The following HTR6 variants were observed in gnomAD, a reference collection of about 807,000 sequenced individuals.
The protein encoded by HTR6 is 5-hydroxytryptamine (serotonin) receptor 6, G protein-coupled.
Under a neutral mutation model 17.4 loss-of-function variants are expected in HTR6, and 15 were observed. The ratio of observed to expected loss-of-function variants is 0.86; its 90% CI spans 0.58 to 1.33. The LOEUF is 1.33. Among genes scored for constraint, HTR6 ranks in the 40% most tolerant of loss-of-function variants. HTR6 has a pLI of 0.00. For synonymous variants in HTR6, 326 were observed against 295.5 expected, an observed-to-expected ratio of 1.10 and a Z score of -1.06; for missense variants, 578 against 616.0, an observed-to-expected ratio of 0.94 and a Z score of 0.65.
Position 19,679,083 on chromosome 1 carries a change from C to T in HTR6, c.1038C>T (p.Ala346=). The part of the protein sequence containing the change: ...PCPRCPRERQ[A]SLASPSLRTS... ...CACGCTGTCCCCGGGAGCGCCAGGC[C>T]AGCCTGGCCTCGCCATCACTGCGCA... is the stretch of plus-strand genomic sequence containing the variant. Residue 346 remains alanine (A), a synonymous_variant, in exon 3 of 3, where the codon GCC becomes GCT. Transcript: ENST00000289753. The surrounding 1 kb of genome is among the most constrained non-coding windows in gnomAD (Gnocchi z 4.9). 1 of 1,613,880 alleles carries T rather than the reference C, an allele frequency of 6.2e-7. No individual in the cohort carries two copies. The highest frequency in any genetic ancestry group is 8.5e-7 in the Non-Finnish European group (1 of 1,179,878).
chr1:19,676,263 T>G (rs2095094374), intron 1 of HTR6, among the ~76,000 whole-genome samples: 1 of 152,212 alleles, frequency 6.6e-6, no homozygotes, highest in Non-Finnish European at 1.5e-5. Flanking sequence ...TTCTCCCATT[T>G]TGCAGATGTG....
chr1:19,677,359 T>A (rs2095095629), intron 1 of HTR6, among the ~76,000 whole-genome samples: 1 of 152,060 alleles, frequency 6.6e-6, no homozygotes, highest in East Asian at 1.9e-4. Flanking sequence ...GTTTGCAAAG[T>A]CAAATTCTAA....
chr1:19,667,761 C>A (rs755838052), intron 1 of HTR6, among the ~76,000 whole-genome samples: 2 of 152,226 alleles, frequency 1.3e-5, no homozygotes, highest in African/African-American at 2.4e-5. Flanking sequence ...TGAGTGCCTG[C>A]TCTTGCCATC....
In HTR6 at chr1:19,679,537, C is replaced by A. The variant is rs2095099119; in HGVS notation, c.*169C>A. On this transcript the variant is annotated 3_prime_UTR_variant, in exon 3 of 3. Coordinates refer to ENST00000289753, the MANE Select transcript of HTR6 (RefSeq NM_000871.3). The surrounding 1 kb of genome is among the most constrained non-coding windows in gnomAD (Gnocchi z 4.9). ...CCTGCTGCCATCTCCAGGCCCCTTA[C>A]CTGCAGGGATCATAGCTGACTCAGA... 1.1e-6 allele frequency: 1 copy of A among 941,126 alleles called. No individual in the cohort carries two copies. The highest frequency in any genetic ancestry group is 1.5e-6 in the Non-Finnish European group (1 of 653,706). 58.3% of individuals were successfully genotyped at this position (941,126 alleles called of 1,614,324 possible). A position where few individuals can be genotyped will look rare whatever the true frequency, so the allele number is the denominator to read the frequency against.
At chr1:19,668,992 CT>C (rs1468140754) in intron 1 of HTR6, among the ~76,000 whole-genome samples, 1 of 152,184 alleles carries the variant, frequency 6.6e-6, no homozygotes, top group African/African-American at 2.4e-5. Context: ...GGGACTTTCT[CT>C]TGACGCACCT....
chr1:19,674,318 C>A (rs567686291), intron 1 of HTR6, among the ~76,000 whole-genome samples: 1 of 151,528 alleles, frequency 6.6e-6, no homozygotes, highest in African/African-American at 2.4e-5. Flanking sequence ...TCATGGAGAT[C>A]TTTTCATTTG....
rs747507674 is a variant in HTR6 at position 19,665,810 on chromosome 1, G to A, written c.57G>A (p.Pro19=). 5 of 1,529,166 alleles carry A rather than the reference G, an allele frequency of 3.3e-6. No individual in the cohort carries two copies. The Admixed American group carries it at 8.7e-5, about 27-fold the overall frequency. 94.7% of individuals were successfully genotyped at this position (1,529,166 alleles called of 1,614,324 possible). A position where few individuals can be genotyped will look rare whatever the true frequency, so the allele number is the denominator to read the frequency against. ...GCACCCCGGCCTGGGGGGCAGGGCC[G>A]CCGTCGGCCCCGGGGGGCAGCGGCT... ...ANSTPAWGAG[P]PSAPGGSGWV... Residue 19 remains proline, a synonymous_variant, in exon 1 of 3, where the codon CCG becomes CCA. Coordinates refer to ENST00000289753, the MANE Select transcript of HTR6 (RefSeq NM_000871.3). This position sits in a 1 kb window ranked among gnomAD's most constrained non-coding sequence, Gnocchi z 4.2.
intron 1 of HTR6, among the ~76,000 whole-genome samples, chr1:19,667,605 G>A (rs1475098050): frequency 2.0e-5 from 3 of 152,164 alleles, no homozygotes; most frequent in East Asian, 3.9e-4. Flanking sequence ...TGGTAGAGAT[G>A]GGGTTTCACC....
Position 19,666,480 on chromosome 1 carries a change from C to A in HTR6, c.714+13C>A. 6.3e-7 allele frequency: 1 copy of A among 1,578,828 alleles called. No homozygotes were observed. The highest frequency in any genetic ancestry group is 8.6e-7 in the Non-Finnish European group (1 of 1,161,060). ...GGAGACGCTGCAGGTACCTGGGGTG[C>A]GCAGGGAGACCCGGGCTGTGGGATA... On this transcript the variant is annotated intron_variant, in intron 1 of 2. Transcript: ENST00000289753. This position sits in a 1 kb window ranked among gnomAD's most constrained non-coding sequence, Gnocchi z 4.5.
chr1:19,677,979 A>C (rs1376743830), intron 1 of HTR6, among the ~76,000 whole-genome samples: 1 of 152,182 alleles, frequency 6.6e-6, no homozygotes, highest in Non-Finnish European at 1.5e-5. Flanking sequence ...ACCTCAAGTG[A>C]TCTGCCTGCC....
chr1:19,676,348 T>C (rs954372258), intron 1 of HTR6, among the ~76,000 whole-genome samples: 4 of 152,076 alleles, frequency 2.6e-5, no homozygotes, highest in Non-Finnish European at 4.4e-5. Context: ...AGATCACCTG[T>C]CTTAAAAGCC....
chr1:19,665,301 T>G lies in HTR6; in HGVS notation c.-453T>G. The G allele has an allele frequency of 6.5e-6, 1 of 153,122 alleles. No individual in the cohort carries two copies. The highest frequency in any genetic ancestry group is 1.4e-5 in the Non-Finnish European group (1 of 70,016). The allele number at this position is 153,122 out of a possible 1,614,324, so 9.5% of individuals were successfully genotyped here. ...GCCTGCTCCGGCCCGAGAGCGCCCA[T>G]TCACCCCCCTCACCCACCTCCCCGC... is the stretch of plus-strand genomic sequence containing the variant. On this transcript the variant is annotated 5_prime_UTR_variant, in exon 1 of 3. Coordinates refer to ENST00000289753, the MANE Select transcript of HTR6 (RefSeq NM_000871.3). The surrounding 1 kb of genome is among the most constrained non-coding windows in gnomAD (Gnocchi z 4.2).
rs971081006 is a variant in HTR6 at position 19,665,055 on chromosome 1, G to A, written c.-699G>A. Among the ~76,000 whole-genome samples, 1 of 151,496 alleles carries A rather than the reference G, an allele frequency of 6.6e-6. No individual in the cohort carries two copies. Among genetic ancestry groups the A allele is most frequent in the African/African-American group, 2.4e-5 (1 of 41,356 alleles). ...CCAGGTACCAGTGCGGGCGGGAGAC[G>A]GAGGCGACCCTGCTGCCGGGTGGGG... On this transcript the variant is annotated 5_prime_UTR_variant, in exon 1 of 3. Coordinates refer to ENST00000289753, the MANE Select transcript of HTR6 (RefSeq NM_000871.3). This position sits in a 1 kb window ranked among gnomAD's most constrained non-coding sequence, Gnocchi z 4.2.
At chr1:19,672,428 G>A (rs2100472222) in intron 1 of HTR6, among the ~76,000 whole-genome samples, 1 of 150,286 alleles carries the variant, frequency 6.7e-6, no homozygotes, top group East Asian at 2.0e-4. Context: ...AGGAGGCTGT[G>A]ATCACAGAAA....
At position 19,666,715 on chromosome 1, in the gene HTR6, C is replaced by A. The variant is rs1027191057; in HGVS notation, c.714+248C>A. 6.6e-6 allele frequency among the ~76,000 whole-genome samples: 1 copy of A among 152,124 alleles called. No individual in the cohort carries two copies. Among genetic ancestry groups the A allele is most frequent in the African/African-American group, 2.4e-5 (1 of 41,442 alleles). ...CAACAGGGAATTTATGGTGGCCCAA[C>A]TCTCCCCATCTTTGCCTCCCTGGTC... is the stretch of plus-strand genomic sequence containing the variant. On this transcript the variant is annotated intron_variant, in intron 1 of 2. Transcript: ENST00000289753. This position sits in a 1 kb window ranked among gnomAD's most constrained non-coding sequence, Gnocchi z 4.5.
chr1:19,679,852 C>T lies in HTR6; in HGVS notation c.*484C>T, dbSNP rs41264099. Among the ~76,000 whole-genome samples the T allele has an allele frequency of 0.44, 67,158 of 152,138 alleles. 17,990 individuals are homozygous for T. Among genetic ancestry groups the T allele is most frequent in the Non-Finnish European group, 0.61 (41,229 of 67,964 alleles). ...ATGCACATCTCTGCCCCTGCCCAGA[C>T]CTGCTGAGTCAGAACTGCATGTTAC... On this transcript the variant is annotated 3_prime_UTR_variant, in exon 3 of 3. Transcript: ENST00000289753. The surrounding 1 kb of genome is among the most constrained non-coding windows in gnomAD (Gnocchi z 4.9).
Position 19,678,994 on chromosome 1 carries a change from C to A in HTR6, c.949C>A (p.Pro317Thr). 1 of 1,614,164 alleles carries A rather than the reference C, an allele frequency of 6.2e-7. No individual in the cohort carries two copies. Among genetic ancestry groups the A allele is most frequent in the South Asian group, 1.1e-5 (1 of 91,078 alleles). Residue 317 changes from proline (P) to threonine (T), a missense_variant, in exon 3 of 3, where the codon CCC becomes ACC. Coordinates refer to ENST00000289753, the MANE Select transcript of HTR6 (RefSeq NM_000871.3). ...WLGYCNSTMN[P>T]IIYPLFMRDF... ...GGGTTACTGTAACAGCACCATGAAC[C>A]CCATCATCTACCCACTCTTCATGCG...
intron 1 of HTR6, among the ~76,000 whole-genome samples, chr1:19,670,988 T>G (rs1220392274): frequency 1.3e-5 from 2 of 152,112 alleles, no homozygotes; most frequent in South Asian, 2.1e-4. Context: ...CTTGGTGACA[T>G]GTATTGACAC....
intron 1 of HTR6, 74 bp from the exon 2 acceptor site, chr1:19,678,493 C>A: frequency 6.4e-7 from 1 of 1,557,920 alleles, no homozygotes; most frequent in Non-Finnish European, 8.8e-7. Flanking sequence ...AGGATTGAAG[C>A]TCAGTCTGTG....
Sources: gnomAD v4.1 joint callset for allele counts (sites outside exome capture counted in the v4.1 genomes callset) on GRCh38, gnomAD v4.1.1 for gene constraint, Gnocchi (gnomAD v3.1) non-coding constraint, MANE v1.5 for transcripts, NCBI Gene and HGNC (gene_info 2026-07-23, HGNC 2026-07-21) for gene names.